The following MYH15 variants were observed in gnomAD, a reference collection of about 807,000 sequenced individuals.
MYH15 encodes myosin-15.
Under a neutral mutation model 240.5 loss-of-function variants are expected in MYH15, and 227 were observed. That is an observed-to-expected ratio of 0.94 (90% confidence interval 0.85 to 1.05). The LOEUF is 1.05. Among genes scored for constraint, MYH15 ranks in the 50% least tolerant of loss-of-function variants. The probability of loss-of-function intolerance (pLI) is 0.00; values close to 1 mark genes in which losing one functional copy is unlikely to be tolerated. For missense variants in MYH15, 2,217 were observed against 2,247.5 expected, an observed-to-expected ratio of 0.99 and a Z score of 0.27; for synonymous variants, 785 against 796.7, an observed-to-expected ratio of 0.99 and a Z score of 0.25.
intron 25 of MYH15, among the ~76,000 whole-genome samples, chr3:108,433,066 C>A (rs986524070): frequency 2.4e-4 from 36 of 152,214 alleles, no homozygotes; most frequent in African/African-American, 8.4e-4. Context: ...CATTCAACAC[C>A]AGCCCATGAA....
chr3:108,410,552 T>C lies in MYH15; in HGVS notation c.4495+31A>G, dbSNP rs1337043085. The C allele has an allele frequency of 3.7e-5, 56 of 1,494,582 alleles. 1 individual carries two copies. The Admixed American group carries it at 1.1e-3, about 30-fold the overall frequency. The allele number at this position is 1,494,582 out of a possible 1,614,324, so 92.6% of individuals were successfully genotyped here. On this transcript the variant is annotated intron_variant, in intron 31 of 40. Coordinates refer to ENST00000693548, the MANE Select transcript of MYH15 (RefSeq NM_014981.3). ...AGGGCTCTTCCTGAGCTACCCGCTC[T>C]GGCTTTGGCTCTGAGCCCAGCTCGG...
chr3:108,523,014 GA>G (rs1359013876), intron 1 of MYH15, among the ~76,000 whole-genome samples: 1 of 152,050 alleles, frequency 6.6e-6, no homozygotes, highest in Non-Finnish European at 1.5e-5. Flanking sequence ...TTGAGAACAA[GA>G]ACATTTGCGA....
Position 108,381,195 on chromosome 3 carries a change from G to T in MYH15, c.*350C>A, listed in dbSNP as rs552498845. ...GCCCTAGTCCCCATGAAGCGTGACTGGTCTAAGGACATCTTCTATGAGTCC... is the reference window on the plus strand; with the variant it reads ...GCCCTAGTCCCCATGAAGCGTGACTTGTCTAAGGACATCTTCTATGAGTCC... On this transcript the variant is annotated 3_prime_UTR_variant, in exon 41 of 41. Coordinates refer to ENST00000693548, the MANE Select transcript of MYH15 (RefSeq NM_014981.3). The T allele has an allele frequency of 1.2e-5, 4 of 327,104 alleles. No individual in the cohort carries two copies. Among genetic ancestry groups the T allele is most frequent in the Non-Finnish European group, 2.3e-5 (4 of 173,960 alleles). The allele number at this position is 327,104 out of a possible 1,614,324, so 20.3% of individuals were successfully genotyped here. A position where few individuals can be genotyped will look rare whatever the true frequency, so the allele number is the denominator to read the frequency against.
At chr3:108,419,977 A>G (rs766821528) in intron 28 of MYH15, among the ~76,000 whole-genome samples, 5 of 152,226 alleles carry the variant, frequency 3.3e-5, no homozygotes, top group Non-Finnish European at 5.9e-5. Context: ...CAGAGAGGCA[A>G]GTCAAGTTGC....
At chr3:108,518,460 A>C (rs1171373331) in intron 1 of MYH15, among the ~76,000 whole-genome samples, 1 of 152,216 alleles carries the variant, frequency 6.6e-6, no homozygotes, top group Non-Finnish European at 1.5e-5. Flanking sequence ...GACAGCAGCC[A>C]ATCCAGAATG....
intron 32 of MYH15, among the ~76,000 whole-genome samples, chr3:108,405,766 T>C (rs1321814007): frequency 6.6e-6 from 1 of 152,206 alleles, no homozygotes; most frequent in Non-Finnish European, 1.5e-5. Flanking sequence ...TACCCTTGAC[T>C]TTTTCTAACA....
intron 33 of MYH15, 61 bp from the exon 34 acceptor site, chr3:108,399,328 T>G: frequency 7.3e-7 from 1 of 1,362,600 alleles, no homozygotes; most frequent in Non-Finnish European, 1.0e-6. Context: ...CAAATTCACC[T>G]GCTATGTTTA....
At chr3:108,388,632 A>G (rs927863249) in intron 38 of MYH15, among the ~76,000 whole-genome samples, 10 of 152,140 alleles carry the variant, frequency 6.6e-5, no homozygotes, top group African/African-American at 2.4e-4. Context: ...CATTAACTTC[A>G]TTTACACATT....
chr3:108,496,433 A>T (rs1005875186), intron 6 of MYH15, among the ~76,000 whole-genome samples: 1 of 152,222 alleles, frequency 6.6e-6, no homozygotes, highest in Admixed American at 6.5e-5. Flanking sequence ...TCATCTACCT[A>T]TCTACCATAT....
chr3:108,426,231 T>C (rs1263969095), intron 27 of MYH15, among the ~76,000 whole-genome samples: 1 of 145,172 alleles, frequency 6.9e-6, no homozygotes, highest in Non-Finnish European at 1.5e-5. Flanking sequence ...CCTAAGGACA[T>C]AGACAACCAA....
Position 108,380,978 on chromosome 3 carries a change from C to A in MYH15, c.*567G>T. 6.5e-6 allele frequency: 1 copy of A among 154,740 alleles called. No homozygotes were observed. Among genetic ancestry groups the A allele is most frequent in the South Asian group, 2.0e-4 (1 of 4,986 alleles). 9.6% of individuals were successfully genotyped at this position (154,740 alleles called of 1,614,324 possible). On this transcript the variant is annotated 3_prime_UTR_variant, in exon 41 of 41. Transcript: ENST00000693548. ...TTTAAAGCATGTACCAGCATATAGC[C>A]TACATGTGTGTTGATTAGGAGAGTT...
chr3:108,387,447 G>A (rs1198264595), intron 38 of MYH15, among the ~76,000 whole-genome samples: 1 of 152,156 alleles, frequency 6.6e-6, no homozygotes, highest in Non-Finnish European at 1.5e-5. Flanking sequence ...TCTAGTACAT[G>A]AGAAACACTA....
upstream of MYH15, chr3:108,529,324 C>T: frequency 2.0e-6 from 3 of 1,469,890 alleles, no homozygotes; most frequent in Non-Finnish European, 2.8e-6. Context: ...GTAGAAATGA[C>T]CTAAATTGAG....
intron 33 of MYH15, 80 bp from the exon 34 acceptor site, chr3:108,399,347 C>T: frequency 2.6e-6 from 3 of 1,143,464 alleles, no homozygotes; most frequent in East Asian, 2.4e-5. Context: ...TAAAACAGTA[C>T]AAGAAACAGA....
intron 28 of MYH15, among the ~76,000 whole-genome samples, chr3:108,420,007 C>T (rs1389260045): frequency 6.6e-6 from 1 of 151,920 alleles, no homozygotes; most frequent in Non-Finnish European, 1.5e-5. Flanking sequence ...TAGGTTTAGT[C>T]AATCTCAATG....
At chr3:108,546,858 C>T in the MYH15 span, among the ~76,000 whole-genome samples, 4 of 152,116 alleles carry the variant, frequency 2.6e-5, no homozygotes, top group East Asian at 5.8e-4. Context: ...CAGAGGTCTT[C>T]GATGACAGGA....
chr3:108,395,538 ATTTG>A (rs560502993), intron 35 of MYH15, among the ~76,000 whole-genome samples: 3 of 152,012 alleles, frequency 2.0e-5, no homozygotes, highest in Non-Finnish European at 4.4e-5. Flanking sequence ...ACAAATACTA[ATTTG>A]TTTGTACATA....
intron 19 of MYH15, among the ~76,000 whole-genome samples, chr3:108,456,134 G>C (rs574864562): frequency 4.6e-5 from 7 of 152,174 alleles, no homozygotes; most frequent in Non-Finnish European, 7.4e-5. Context: ...GAAAGAGAGG[G>C]AGGGAGGAAA....
intron 1 of MYH15, 61 bp downstream of exon 1, chr3:108,510,382 T>A (rs776671953): frequency 2.0e-4 from 316 of 1,553,414 alleles, no homozygotes; most frequent in Non-Finnish European, 2.6e-4. Flanking sequence ...CAATCAAATA[T>A]CTTAGTCACC....
Sources: gnomAD v4.1 joint callset for allele counts (sites outside exome capture counted in the v4.1 genomes callset) on GRCh38, gnomAD v4.1.1 for gene constraint, MANE v1.5 for transcripts, NCBI Gene and HGNC (gene_info 2026-07-23, HGNC 2026-07-21) for gene names.